Variants in MALRD1 observed in about 807,000 individuals in gnomAD.
MALRD1 encodes the protein MAM and LDL-receptor class A domain-containing protein 1.
Under a neutral mutation model 242.1 loss-of-function variants are expected in MALRD1, and 247 were observed. The observed-to-expected ratio is 1.02, with a 90% CI of 0.92 to 1.13. MALRD1 has a LOEUF of 1.13. MALRD1 is among the 50% of genes most tolerant of loss of function. The probability of loss-of-function intolerance (pLI) is 0.00; values close to 1 mark genes in which losing one functional copy is unlikely to be tolerated. For missense variants in MALRD1, 2,989 were observed against 2,533.1 expected, an observed-to-expected ratio of 1.18 and a Z score of -3.86; for synonymous variants, 995 against 866.6, an observed-to-expected ratio of 1.15 and a Z score of -2.60.
At chr10:19,433,129 A>G (rs1267001395) in intron 28 of MALRD1, among the ~76,000 whole-genome samples, 1 of 152,196 alleles carries the variant, frequency 6.6e-6, no homozygotes, top group Non-Finnish European at 1.5e-5. Context: ...AATCAAAGAG[A>G]CAGATATTTA....
intron 33 of MALRD1, among the ~76,000 whole-genome samples, chr10:19,586,869 A>G (rs535518214): frequency 1.1e-3 from 161 of 152,340 alleles, no homozygotes; most frequent in African/African-American, 3.3e-3. Context: ...TGCGTTAGCA[A>G]TCAGCGAGAC....
At chr10:19,676,267 G>A (rs1294313977) in intron 36 of MALRD1, among the ~76,000 whole-genome samples, 2 of 152,266 alleles carry the variant, frequency 1.3e-5, no homozygotes, top group East Asian at 1.9e-4. Context: ...CTTATACCAC[G>A]TGACATCAGT....
chr10:19,109,089 A>G (rs1193313409), intron 5 of MALRD1, among the ~76,000 whole-genome samples: 3 of 152,138 alleles, frequency 2.0e-5, no homozygotes, highest in Non-Finnish European at 4.4e-5. Flanking sequence ...TGGGCACAGT[A>G]GTGTAGTCTC....
At chr10:19,483,463 C>A (rs1181140491) in intron 29 of MALRD1, among the ~76,000 whole-genome samples, 5 of 152,078 alleles carry the variant, frequency 3.3e-5, no homozygotes, top group East Asian at 3.9e-4. Flanking sequence ...AGCAAAAAAA[C>A]CCATTAAAAA....
At position 19,550,852 on chromosome 10, in the gene MALRD1, G is replaced by A. The variant is rs149041150; in HGVS notation, c.5479-16650G>A. On this transcript the variant is annotated intron_variant, in intron 32 of 39. Transcript: ENST00000454679. ...TAATAGAATGATTTATATTTTGGGC[G>A]GTATATACCCCATAATGGGATTGCT... Among the ~76,000 whole-genome samples, 116 of 152,138 alleles carry A rather than the reference G, an allele frequency of 7.6e-4. 1 individual carries two copies. The East Asian group carries it at 7.9e-3, about 10-fold the overall frequency.
At chr10:19,395,050 C>T (rs909033882) in intron 28 of MALRD1, among the ~76,000 whole-genome samples, 3 of 152,150 alleles carry the variant, frequency 2.0e-5, no homozygotes, top group African/African-American at 7.2e-5. Flanking sequence ...ATCAATTAAA[C>T]CACATTTTTA....
chr10:19,415,323 T>G (rs1833473245), intron 28 of MALRD1, among the ~76,000 whole-genome samples: 1 of 152,172 alleles, frequency 6.6e-6, no homozygotes, highest in South Asian at 2.1e-4. Flanking sequence ...TCAATAAAGG[T>G]GGTTGCATAA....
chr10:19,308,095 C>G (rs1476071989), intron 21 of MALRD1, among the ~76,000 whole-genome samples: 1 of 151,394 alleles, frequency 6.6e-6, no homozygotes, highest in East Asian at 1.9e-4. Flanking sequence ...CTGTAGTCAC[C>G]CCAGTGTGCT....
intron 32 of MALRD1, among the ~76,000 whole-genome samples, chr10:19,537,172 C>G (rs1324466572): frequency 6.6e-6 from 1 of 152,076 alleles, no homozygotes; most frequent in Non-Finnish European, 1.5e-5. Context: ...CAGTTTTATT[C>G]TAAAAACCAT....
intron 19 of MALRD1, among the ~76,000 whole-genome samples, chr10:19,257,997 A>C (rs1839594456): frequency 6.6e-6 from 1 of 152,152 alleles, no homozygotes; most frequent in Non-Finnish European, 1.5e-5. Context: ...TCTATGACTT[A>C]TCACATGCAA....
At chr10:19,396,137 TTTTC>T (rs1249365909) in intron 28 of MALRD1, among the ~76,000 whole-genome samples, 3 of 103,656 alleles carry the variant, frequency 2.9e-5, no homozygotes, top group East Asian at 3.0e-4. Context: ...TTCTTTTTTT[TTTTC>T]TTTTTTTTTT....
chr10:19,406,027 C>T (rs974225322), intron 28 of MALRD1, among the ~76,000 whole-genome samples: 4 of 151,998 alleles, frequency 2.6e-5, no homozygotes, highest in East Asian at 3.9e-4. Flanking sequence ...TCAACTCTGC[C>T]GCTTACTACT....
At chr10:19,446,868 A>G (rs1014072234) in intron 28 of MALRD1, among the ~76,000 whole-genome samples, 5 of 152,184 alleles carry the variant, frequency 3.3e-5, no homozygotes, top group African/African-American at 9.6e-5. Context: ...TACAAGGGAA[A>G]AGTCCCTCAG....
chr10:19,381,779 C>T (rs1845848736), intron 26 of MALRD1, among the ~76,000 whole-genome samples: 1 of 151,862 alleles, frequency 6.6e-6, no homozygotes, highest in African/African-American at 2.4e-5. Context: ...GTGGAGTTTG[C>T]AGTGAGCCGA....
intron 21 of MALRD1, among the ~76,000 whole-genome samples, chr10:19,294,575 A>C (rs1364344647): frequency 1.3e-5 from 2 of 152,146 alleles, no homozygotes; most frequent in South Asian, 2.1e-4. Flanking sequence ...GATGTATAAA[A>C]CCCAGCAGAA....
intron 21 of MALRD1, among the ~76,000 whole-genome samples, chr10:19,284,176 G>C (rs1170120290): frequency 2.0e-5 from 3 of 151,680 alleles, no homozygotes; most frequent in South Asian, 2.1e-4. Context: ...TGTCCATTTT[G>C]AACTTTTTTC....
chr10:19,146,314 G>A lies in MALRD1; in HGVS notation c.1528G>A (p.Ala510Thr). 1.6e-6 allele frequency: 2 copies of A among 1,231,582 alleles called. No individual in the cohort carries two copies. Among genetic ancestry groups the A allele is most frequent in the Non-Finnish European group, 2.0e-6 (2 of 987,878 alleles). 76.3% of individuals were successfully genotyped at this position (1,231,582 alleles called of 1,614,324 possible). A position where few individuals can be genotyped will look rare whatever the true frequency, so the allele number is the denominator to read the frequency against. ...GAATAATGGAGAGCACCACTTTCCT[G>A]CAGCTGATCACACAGCAAACATAAA... The part of the protein sequence containing the change: ...GLNNGEHHFP[A>T]ADHTANINHG... Residue 510 changes from alanine to threonine, a missense_variant, in exon 11 of 40, where the codon GCA becomes ACA. Transcript: ENST00000454679.
At chr10:19,258,976 T>C (rs903252312) in intron 19 of MALRD1, among the ~76,000 whole-genome samples, 2 of 152,088 alleles carry the variant, frequency 1.3e-5, no homozygotes, top group Non-Finnish European at 2.9e-5. Context: ...CCCACCCTCA[T>C]TGCCCTCACC....
rs367851611 is a variant in MALRD1 at position 19,607,762 on chromosome 10, C to CT, written c.5945-5dup. 0.018 allele frequency: 23,223 copies of CT among 1,270,926 alleles called. 63 individuals carry two copies. Among genetic ancestry groups the CT allele is most frequent in the East Asian group, 0.061 (1,926 of 31,408 alleles). The allele number at this position is 1,270,926 out of a possible 1,614,324, so 78.7% of individuals were successfully genotyped here. A position where few individuals can be genotyped will look rare whatever the true frequency, so the allele number is the denominator to read the frequency against. On this transcript the variant is annotated splice_polypyrimidine_tract_variant and intron_variant, in intron 34 of 39. Coordinates refer to ENST00000454679, the MANE Select transcript of MALRD1 (RefSeq NM_001142308.3). ...CATGCTGGCATCCCTGATCATTATT[C>CT]TTTTTTTTTTGCAGCCAACAAAAGC...
Sources: gnomAD v4.1 joint callset for allele counts (sites outside exome capture counted in the v4.1 genomes callset) on GRCh38, gnomAD v4.1.1 for gene constraint, MANE v1.5 for transcripts, NCBI Gene and HGNC (gene_info 2026-07-23, HGNC 2026-07-21) for gene names.